UBE3D: variants seen among roughly 807,000 people sequenced by gnomAD.
UBE3D encodes the protein E3 ubiquitin-protein ligase E3D.
A neutral mutation model predicts 49.6 loss-of-function variants in UBE3D; 48 were observed. The ratio of observed to expected loss-of-function variants is 0.97; its 90% CI spans 0.77 to 1.23. The LOEUF (loss-of-function observed/expected upper bound fraction) is 1.23, where lower values mean the gene tolerates loss of function less well. Among genes scored for constraint, UBE3D ranks in the 50% most tolerant of loss-of-function variants. The pLI is 0.00. For synonymous variants in UBE3D, 189 were observed against 174.2 expected, an observed-to-expected ratio of 1.08 and a Z score of -0.67; for missense variants, 452 against 468.4, an observed-to-expected ratio of 0.96 and a Z score of 0.32.
intron 5 of UBE3D, among the ~76,000 whole-genome samples, chr6:83,028,754 C>T (rs546445215): frequency 2.0e-5 from 3 of 152,164 alleles, no homozygotes; most frequent in East Asian, 1.9e-4. Context: ...TGGTATCTTT[C>T]GTGTCAGCCT....
chr6:82,961,145 A>AC (rs1453273073), intron 8 of UBE3D, among the ~76,000 whole-genome samples: 1 of 152,196 alleles, frequency 6.6e-6, no homozygotes. Flanking sequence ...CAAGACAGTC[A>AC]CTTTTTCATC....
At chr6:82,905,242 A>G (rs368578592) in intron 9 of UBE3D, among the ~76,000 whole-genome samples, 6 of 152,206 alleles carry the variant, frequency 3.9e-5, no homozygotes, top group East Asian at 1.9e-4. Flanking sequence ...AAGCAAGTCT[A>G]CTGGCCCCCA....
intron 1 of UBE3D, chr6:83,063,097 T>C: frequency 4.6e-6 from 1 of 215,314 alleles, no homozygotes; most frequent in South Asian, 4.6e-5. Flanking sequence ...AAATTAAAAT[T>C]TCTGTTCATC....
intron 7 of UBE3D, among the ~76,000 whole-genome samples, chr6:83,019,686 G>A (rs1359570721): frequency 6.6e-6 from 1 of 152,156 alleles, no homozygotes; most frequent in Non-Finnish European, 1.5e-5. Context: ...ACAGGAGAAA[G>A]GAAGTGAAGG....
chr6:82,938,897 C>G (rs1774793194), intron 9 of UBE3D, among the ~76,000 whole-genome samples: 1 of 151,898 alleles, frequency 6.6e-6, no homozygotes, highest in Admixed American at 6.6e-5. Context: ...GAACTAGCAC[C>G]ATAGTCTGGT....
chr6:82,957,578 T>C, intron 8 of UBE3D, 128 bp from the exon 9 acceptor site: 2 of 1,145,958 alleles, frequency 1.7e-6, no homozygotes, highest in Non-Finnish European at 1.2e-6. Flanking sequence ...ATAAACTATA[T>C]TAAAAATTCA....
intron 9 of UBE3D, among the ~76,000 whole-genome samples, chr6:82,901,554 C>G (rs953741828): frequency 6.6e-6 from 1 of 152,176 alleles, no homozygotes; most frequent in Non-Finnish European, 1.5e-5. Flanking sequence ...AGCTGTTGAT[C>G]TAGTCCAACC....
At chr6:82,937,384 C>G (rs959435019) in intron 9 of UBE3D, among the ~76,000 whole-genome samples, 1 of 152,176 alleles carries the variant, frequency 6.6e-6, no homozygotes, top group Non-Finnish European at 1.5e-5. Flanking sequence ...GAGAACAACA[C>G]AGCAGCTCCC....
rs755881245 is a variant in UBE3D at position 82,939,386 on chromosome 6, G to T, written c.1149+17926C>A. ...AAAAACCCATACCACATCGTCTATC[G>T]TGGGTACATACAGTCATGAGCTGCA... is the stretch of plus-strand genomic sequence containing the variant. On this transcript the variant is annotated intron_variant, in intron 9 of 9. Coordinates refer to ENST00000369747, the MANE Select transcript of UBE3D (RefSeq NM_198920.3). Among the ~76,000 whole-genome samples, 4 of 152,138 alleles carry T rather than the reference G, an allele frequency of 2.6e-5. No homozygotes were observed. The South Asian group carries it at 8.3e-4, about 32-fold the overall frequency.
intron 4 of UBE3D, among the ~76,000 whole-genome samples, chr6:83,041,234 A>C (rs1015201574): frequency 2.6e-5 from 4 of 152,200 alleles, no homozygotes; most frequent in Non-Finnish European, 5.9e-5. Context: ...AACTGCCATC[A>C]CAGAACATCT....
chr6:83,064,733 T>C (rs1002908264), intron 1 of UBE3D, among the ~76,000 whole-genome samples: 8 of 152,196 alleles, frequency 5.3e-5, no homozygotes, highest in African/African-American at 1.9e-4. Flanking sequence ...GTACTATTAT[T>C]CCCATTTCAA....
chr6:82,981,612 A>T (rs1033433212), intron 8 of UBE3D, among the ~76,000 whole-genome samples: 10 of 152,082 alleles, frequency 6.6e-5, no homozygotes, highest in African/African-American at 2.4e-4. Flanking sequence ...GTACTCTGTC[A>T]TCTTTTAATT....
intron 2 of UBE3D, among the ~76,000 whole-genome samples, chr6:83,054,885 G>A (rs756331406): frequency 6.6e-6 from 1 of 152,070 alleles, no homozygotes; most frequent in African/African-American, 2.4e-5. Context: ...TCCTGACCTC[G>A]TAATCCCCTT....
chr6:82,882,466 C>G, the UBE3D span, among the ~76,000 whole-genome samples: 2 of 152,244 alleles, frequency 1.3e-5, no homozygotes, highest in Admixed American at 1.3e-4. Flanking sequence ...CAGCACTTTC[C>G]CAAGCTAAAA....
chr6:82,893,186 G>T (rs1357185628), intron 9 of UBE3D, 144 bp from the exon 10 acceptor site: 1 of 898,240 alleles, frequency 1.1e-6, no homozygotes, highest in Non-Finnish European at 1.7e-6. Context: ...AGTGGATCTA[G>T]ACATTTTATT....
intron 1 of UBE3D, among the ~76,000 whole-genome samples, chr6:83,060,388 G>C (rs1784099752): frequency 6.6e-6 from 1 of 152,220 alleles, no homozygotes; most frequent in African/African-American, 2.4e-5. Context: ...ACCCTATGGT[G>C]GTGGGGCAGA....
downstream of UBE3D, among the ~76,000 whole-genome samples, chr6:82,890,628 A>G (rs1770962792): frequency 6.6e-6 from 1 of 152,138 alleles, no homozygotes; most frequent in African/African-American, 2.4e-5. Context: ...TCTCATGGTC[A>G]TGGTCATTCC....
intron 9 of UBE3D, among the ~76,000 whole-genome samples, chr6:82,910,000 G>C (rs1411252823): frequency 6.6e-6 from 1 of 152,110 alleles, no homozygotes; most frequent in Non-Finnish European, 1.5e-5. Flanking sequence ...AAATGCTCCA[G>C]CTTTATGTTC....
chr6:82,887,388 A>AGTTTTTGTTTT, the UBE3D span, among the ~76,000 whole-genome samples: 7 of 79,118 alleles, frequency 8.8e-5, no homozygotes, highest in African/African-American at 5.0e-4. Flanking sequence ...AGACAGTAAC[A>AGTTTTTGTTTT]GTTTTTTTTT....
Sources: gnomAD v4.1 joint callset for allele counts (sites outside exome capture counted in the v4.1 genomes callset) on GRCh38, gnomAD v4.1.1 for gene constraint, MANE v1.5 for transcripts, NCBI Gene and HGNC (gene_info 2026-07-23, HGNC 2026-07-21) for gene names.